Variants in ASB3 observed in about 807,000 individuals in gnomAD.
ASB3 encodes ankyrin repeat and SOCS box containing 3, also known as ankyrin repeat and SOCS box protein 3.
Under a neutral mutation model 54.5 loss-of-function variants are expected in ASB3, and 41 were observed. The observed-to-expected ratio is 0.75, with a 90% CI of 0.59 to 0.98. ASB3 has a LOEUF of 0.98. ASB3 is among the 50% of genes least tolerant of loss of function. The pLI, the probability that ASB3 is intolerant of heterozygous loss-of-function variation, is 0.00. For synonymous variants in ASB3, 266 were observed against 221.2 expected, an observed-to-expected ratio of 1.20 and a Z score of -1.80; for missense variants, 733 against 620.0, an observed-to-expected ratio of 1.18 and a Z score of -1.94.
At chr2:53,718,530 A>T (rs1354079132) in intron 5 of ASB3, among the ~76,000 whole-genome samples, 1 of 152,210 alleles carries the variant, frequency 6.6e-6, no homozygotes, top group Non-Finnish European at 1.5e-5. Flanking sequence ...TTAAACATGG[A>T]AATGAAAGAA....
At position 53,693,897 on chromosome 2, in the gene ASB3, T is replaced by A. The variant is rs1255524311; in HGVS notation, c.1356A>T (p.Leu452=). 1 of 1,613,410 alleles carries A rather than the reference T, an allele frequency of 6.2e-7. No individual in the cohort carries two copies. Among genetic ancestry groups the A allele is most frequent in the Non-Finnish European group, 8.5e-7 (1 of 1,179,526 alleles). ...ATTCTTTCTTACCAATATGTTGCTG[T>A]AGAATCCAAGCGTTTGAGGCACGAG... The part of the protein sequence containing the change: ...LSARASNAWI[L]QQHIATVPSL... The change falls in exon 9 of 10, where the codon CTA becomes CTT. Residue 452 remains leucine, a synonymous_variant. Coordinates refer to ENST00000263634, the MANE Select transcript of ASB3 (RefSeq NM_016115.5).
At chr2:53,775,061 T>C (rs564475953) in intron 1 of ASB3, 18 of 152,772 alleles carry the variant, frequency 1.2e-4, no homozygotes, top group African/African-American at 3.8e-4. Context: ...TAGCCAAAAA[T>C]TGGCATTTTT....
intron 2 of ASB3, among the ~76,000 whole-genome samples, chr2:53,765,172 C>A (rs1028599805): frequency 2.0e-5 from 3 of 152,166 alleles, no homozygotes; most frequent in Admixed American, 1.3e-4. Flanking sequence ...AGAGGCACTT[C>A]CGTATAAGAT....
At chr2:53,768,032 G>A in intron 1 of ASB3, 8 of 1,612,230 alleles carry the variant, frequency 5.0e-6, no homozygotes, top group South Asian at 2.2e-5. Flanking sequence ...GTGAGGCGCC[G>A]GTCAGCTCCC....
At chr2:53,774,539 G>A in intron 1 of ASB3, 1 of 1,507,202 alleles carries the variant, frequency 6.6e-7, no homozygotes, top group Non-Finnish European at 8.9e-7. Flanking sequence ...AGTCTTCAGA[G>A]AATTAACTTC....
chr2:53,746,248 T>C lies in ASB3; in HGVS notation c.355+4535A>G, dbSNP rs377251373. Among the ~76,000 whole-genome samples, 15 of 152,116 alleles carry C rather than the reference T, an allele frequency of 9.9e-5. No individual in the cohort carries two copies. The East Asian group carries it at 2.1e-3, about 22-fold the overall frequency. ...AGTTTGAGGCTGTAGTGAGCTATGA[T>C]TTTGCCACTGCACTCCAGCCTCGGC... On this transcript the variant is annotated intron_variant, in intron 3 of 9. Transcript: ENST00000263634.
At chr2:53,771,208 T>G (rs1673878970) in intron 1 of ASB3, among the ~76,000 whole-genome samples, 1 of 152,010 alleles carries the variant, frequency 6.6e-6, no homozygotes, top group Admixed American at 6.6e-5. Context: ...TTATGTCATA[T>G]TTTTTTTCCC....
intron 3 of ASB3, among the ~76,000 whole-genome samples, chr2:53,743,719 T>A (rs1032981696): frequency 5.3e-5 from 8 of 152,144 alleles, no homozygotes; most frequent in African/African-American, 1.9e-4. Context: ...AGAAAGATAA[T>A]AAGTATCCTA....
intron 9 of ASB3, among the ~76,000 whole-genome samples, chr2:53,693,480 A>G (rs1177525117): frequency 1.3e-5 from 2 of 152,180 alleles, no homozygotes; most frequent in African/African-American, 4.8e-5. Context: ...TTTAGATATG[A>G]TAAAATATTA....
At chr2:53,745,016 G>A (rs1376709793) in intron 3 of ASB3, among the ~76,000 whole-genome samples, 1 of 152,206 alleles carries the variant, frequency 6.6e-6, no homozygotes, top group Non-Finnish European at 1.5e-5. Context: ...TTCCCATGGA[G>A]TGTCCTATGA....
intron 9 of ASB3, among the ~76,000 whole-genome samples, chr2:53,685,487 A>G (rs148946956): frequency 6.6e-6 from 1 of 152,360 alleles, no homozygotes; most frequent in African/African-American, 2.4e-5. Flanking sequence ...AAATGTCATC[A>G]TAGAAGACAG....
At chr2:53,750,721 T>C in intron 3 of ASB3, 62 bp downstream of exon 3, 1 of 1,412,256 alleles carries the variant, frequency 7.1e-7, no homozygotes, top group Non-Finnish European at 9.3e-7. Context: ...AAATTAAGCT[T>C]AGTTTAACAA....
chr2:53,739,222 G>A (rs1476729701), intron 3 of ASB3, among the ~76,000 whole-genome samples: 1 of 152,116 alleles, frequency 6.6e-6, no homozygotes, highest in Non-Finnish European at 1.5e-5. Flanking sequence ...TTTGAAAACA[G>A]GAAATTGAGA....
intron 3 of ASB3, among the ~76,000 whole-genome samples, chr2:53,730,597 T>C (rs1474865033): frequency 6.6e-6 from 1 of 152,146 alleles, no homozygotes; most frequent in East Asian, 1.9e-4. Context: ...GGCAGTTGTG[T>C]TTAGCTCTCT....
intron 2 of ASB3, chr2:53,757,068 A>C (rs556378421): frequency 6.4e-6 from 1 of 157,458 alleles, no homozygotes; most frequent in South Asian, 1.8e-4. Context: ...CCATCTTAGG[A>C]GCTCTAAGAA....
intron 2 of ASB3, among the ~76,000 whole-genome samples, chr2:53,757,395 G>A (rs543967715): frequency 4.6e-5 from 7 of 152,304 alleles, no homozygotes; most frequent in South Asian, 2.1e-4. Context: ...CTGTCGTCCC[G>A]AACTCCCGGC....
intron 2 of ASB3, among the ~76,000 whole-genome samples, chr2:53,755,707 C>T (rs1672775547): frequency 6.6e-6 from 1 of 152,142 alleles, no homozygotes. Context: ...CTTCATAATG[C>T]ACACAAGATG....
rs192279743 is a variant in ASB3, at chr2:53,691,139, G to A, written c.1369+2745C>T. Among the ~76,000 whole-genome samples the A allele has an allele frequency of 7.2e-5, 11 of 152,288 alleles. No homozygotes were observed. The East Asian group carries it at 1.9e-3, about 27-fold the overall frequency. ...TTTACCTGGTATACATTTCCTTTCTGATGCTAGAAACTTTTTGAAGACAAA... is the reference window on the plus strand; with the variant it reads ...TTTACCTGGTATACATTTCCTTTCTAATGCTAGAAACTTTTTGAAGACAAA... On this transcript the variant is annotated intron_variant, in intron 9 of 9. Coordinates refer to ENST00000263634, the MANE Select transcript of ASB3 (RefSeq NM_016115.5).
chr2:53,687,480 C>T (rs1238085648), intron 9 of ASB3, among the ~76,000 whole-genome samples: 1 of 152,162 alleles, frequency 6.6e-6, no homozygotes, highest in African/African-American at 2.4e-5. Context: ...AGTAATACTG[C>T]CTCACCCAGG....
Sources: gnomAD v4.1 joint callset for allele counts (sites outside exome capture counted in the v4.1 genomes callset) on GRCh38, gnomAD v4.1.1 for gene constraint, MANE v1.5 for transcripts, NCBI Gene and HGNC (gene_info 2026-07-23, HGNC 2026-07-21) for gene names.